BRD2: variants seen among roughly 807,000 people sequenced by gnomAD.
BRD2 encodes bromodomain-containing protein 2.
Under a neutral mutation model 79.1 loss-of-function variants are expected in BRD2, and 15 were observed. The ratio of observed to expected loss-of-function variants is 0.19; its 90% CI spans 0.13 to 0.29. The LOEUF is 0.29. Among genes scored for constraint, BRD2 ranks in the 10% least tolerant of loss-of-function variants. The pLI is 1.00. For synonymous variants in BRD2, 488 were observed against 358.6 expected (o/e 1.36, Z -4.08); for missense variants, 1,053 against 991.3 (o/e 1.06, Z -0.84).
chr6:32,977,238 T>G, intron 7 of BRD2: 2 of 1,534,044 alleles, frequency 1.3e-6, no homozygotes, highest in Non-Finnish European at 1.7e-6. Context: ...CTCTGTCACT[T>G]AGAAATGATT....
Position 32,975,370 on chromosome 6 carries a change from A to AT in BRD2, c.334-7dup, listed in dbSNP as rs746533590. 5 of 1,596,184 alleles carry AT rather than the reference A, an allele frequency of 3.1e-6. No homozygotes were observed. The highest frequency in any genetic ancestry group is 2.2e-5 in the South Asian group (2 of 89,698). On this transcript the variant is annotated splice_polypyrimidine_tract_variant and intron_variant, in intron 3 of 12. Transcript: ENST00000374825. ...TATTTTTCTGTGGTTCTGACCTAAC[A>AT]TTTTTTTATTTAGGATTATCACAAA...
intron 3 of BRD2, 143 bp from the exon 4 acceptor site, chr6:32,975,241 T>C (rs2127511790): frequency 8.6e-7 from 1 of 1,159,126 alleles, no homozygotes; most frequent in South Asian, 1.5e-5. Flanking sequence ...CACAGTTTAA[T>C]TGGGGCCGCA....
intron 8 of BRD2, 49 bp downstream of exon 8, chr6:32,977,619 T>C (rs775652177): frequency 3.1e-6 from 5 of 1,609,522 alleles, no homozygotes; most frequent in Non-Finnish European, 4.2e-6. Context: ...GGGGAGTTAT[T>C]TTGTCATGTG....
At chr6:32,975,056 C>T (rs1426501496) in intron 3 of BRD2, 3 of 1,520,890 alleles carry the variant, frequency 2.0e-6, no homozygotes, top group South Asian at 2.4e-5. Flanking sequence ...CCACGGTGGC[C>T]AAAATTCTTA....
chr6:32,978,074 T>C, intron 9 of BRD2, 52 bp from the exon 10 acceptor site: 2 of 1,588,690 alleles, frequency 1.3e-6, no homozygotes, highest in Non-Finnish European at 1.7e-6. Flanking sequence ...TTTTTTCTTC[T>C]TGTTATTTTA....
chr6:32,975,610 C>G (rs895886185), intron 4 of BRD2, 89 bp downstream of exon 4: 1 of 1,509,996 alleles, frequency 6.6e-7, no homozygotes, highest in Admixed American at 1.8e-5. Context: ...AAGTTTAAAT[C>G]CTTTGCTACT....
chr6:32,976,346 C>T lies in BRD2; in HGVS notation c.707C>T (p.Thr236Ile). ...ACTCCTCCACCTGAGATACCTACCA[C>T]TGTCCTCAACATTCCCCACCCATCA... ...LYTPPPEIPT[T>I]VLNIPHPSVI... The change falls in exon 6 of 13, where the codon ACT becomes ATT. Residue 236 changes from threonine to isoleucine, a missense_variant. By Grantham distance (89) the Thr-to-Ile change is moderately conservative (BLOSUM62 -1). Coordinates refer to ENST00000374825, the MANE Select transcript of BRD2 (RefSeq NM_005104.4). 1.2e-6 allele frequency: 2 copies of T among 1,613,088 alleles called. No individual in the cohort carries two copies. Among genetic ancestry groups the T allele is most frequent in the Non-Finnish European group, 1.7e-6 (2 of 1,180,030 alleles).
rs149519248 is a variant in BRD2, at chr6:32,980,566, C to T, written c.2270-16C>T. ...TTCAGACTTGAACGTCTTTAACTTT[C>T]GAATTTGTTCTGCAGCGAATGAGAA... On this transcript the variant is annotated splice_polypyrimidine_tract_variant and intron_variant, in intron 12 of 12. Transcript: ENST00000374825. The T allele has an allele frequency of 5.1e-3, 8,219 of 1,612,998 alleles. 72 individuals carry two copies. The highest frequency in any genetic ancestry group is 0.038 in the Middle Eastern group (231 of 6,060).
chr6:32,975,172 C>T (rs1245194683), intron 3 of BRD2: 8 of 1,390,300 alleles, frequency 5.8e-6, no homozygotes, highest in African/African-American at 1.4e-5. Context: ...TAGAGAAAGG[C>T]AGCAGGGGCC....
In BRD2 at chr6:32,972,011, C is replaced by T. The variant is rs1778048939; in HGVS notation, c.-888C>T. The T allele has an allele frequency of 1.4e-6, 1 of 702,388 alleles. No homozygotes were observed. The allele number at this position is 702,388 out of a possible 1,614,324, so 43.5% of individuals were successfully genotyped here. On this transcript the variant is annotated 5_prime_UTR_variant, in exon 2 of 13. Coordinates refer to ENST00000374825, the MANE Select transcript of BRD2 (RefSeq NM_005104.4). ...AATGAAGTTTATGACGTCATCGTTG[C>T]GGCTGGCCAATAGAAAAAGCTCCCG... is the stretch of plus-strand genomic sequence containing the variant.
intron 2 of BRD2, 21 bp downstream of exon 2, chr6:32,972,948 T>C (rs1195537825): frequency 6.2e-7 from 1 of 1,613,588 alleles, no homozygotes; most frequent in Non-Finnish European, 8.5e-7. Flanking sequence ...GCGAGCCGCG[T>C]GTGGGAAGGG....
At position 32,974,622 on chromosome 6, in the gene BRD2, C is replaced by T. The variant is rs1035375467; in HGVS notation, c.190C>T (p.Pro64Ser). ...ACTTACCCCTGCCAACCCACCACCC[C>T]CGGAGGTGTCCAATCCCAAAAAGCC... The part of the protein sequence containing the change: ...LQLTPANPPP[P>S]EVSNPKKPGR... The change falls in exon 3 of 13, where the codon CCG becomes TCG. Residue 64 changes from proline to serine, a missense_variant. This residue lies in a region of BRD2 where 413 missense variants were observed against 335.1 expected (regional missense o/e 1.23). Transcript: ENST00000374825. The T allele has an allele frequency of 1.9e-6, 3 of 1,614,232 alleles. No individual in the cohort carries two copies. The highest frequency in any genetic ancestry group is 2.5e-6 in the Non-Finnish European group (3 of 1,180,050).
rs1380056217 is a variant in BRD2 at position 32,974,457 on chromosome 6, T to C, written c.30-5T>C. ...ATTGCCCTAATTTTGTTCCCATCTT[T>C]ACAGGCTCCCTGGGGAAGGGAATGC... On this transcript the variant is annotated splice_region_variant and splice_polypyrimidine_tract_variant and intron_variant, in intron 2 of 12. Coordinates refer to ENST00000374825, the MANE Select transcript of BRD2 (RefSeq NM_005104.4). The C allele has an allele frequency of 1.2e-6, 2 of 1,606,204 alleles. No individual in the cohort carries two copies. The highest frequency in any genetic ancestry group is 8.5e-7 in the Non-Finnish European group (1 of 1,174,230).
At position 32,977,927 on chromosome 6, in the gene BRD2, GGAC is replaced by G; in HGVS notation, c.1503_1505del (p.Asp501del). The G allele has an allele frequency of 1.2e-6, 2 of 1,606,310 alleles. No homozygotes were observed. Among genetic ancestry groups the G allele is most frequent in the East Asian group, 4.5e-5 (2 of 44,840 alleles). The stretch of plus-strand genomic sequence containing the variant: ...AGGAAGAGGAGGAGGAAGATGAGGA[GGAC>G]GAGGAGGAAGAAGAGAGTGAAAGCT... On this transcript the variant is annotated inframe_deletion, in exon 9 of 13. Coordinates refer to ENST00000374825, the MANE Select transcript of BRD2 (RefSeq NM_005104.4).
chr6:32,971,907 T>A lies in BRD2; in HGVS notation c.-992T>A, dbSNP rs1324374956. 1 of 702,938 alleles carries A rather than the reference T, an allele frequency of 1.4e-6. No homozygotes were observed. 43.5% of individuals were successfully genotyped at this position (702,938 alleles called of 1,614,324 possible). A position where few individuals can be genotyped will look rare whatever the true frequency, so the allele number is the denominator to read the frequency against. ...AGTCGGCGGACCACAGCTCAGCCAA[T>A]TGGCTTGGAGATGTGGCGGGTTGCC... On this transcript the variant is annotated 5_prime_UTR_variant, in exon 2 of 13. The change creates a new upstream start codon in the 5' untranslated region. Coordinates refer to ENST00000374825, the MANE Select transcript of BRD2 (RefSeq NM_005104.4).
rs17220493 is a variant in BRD2, at chr6:32,977,320, C to T, written c.1201-122C>T. The T allele has an allele frequency of 9.3e-3, 14,843 of 1,604,018 alleles. 110 individuals carry two copies. Among genetic ancestry groups the T allele is most frequent in the Middle Eastern group, 0.024 (147 of 6,060 alleles). On this transcript the variant is annotated intron_variant, in intron 7 of 12. Transcript: ENST00000374825. ...GACTTCAAACTTGAACCCCAGGGCA[C>T]AGATCCTTAAGGTCATCCCCACTGT...
intron 7 of BRD2, 153 bp from the exon 8 acceptor site, chr6:32,977,289 T>G (rs1442735544): frequency 6.3e-6 from 10 of 1,589,032 alleles, no homozygotes; most frequent in Non-Finnish European, 7.7e-6. Flanking sequence ...CCACCCAAAT[T>G]CCTTTGACTT....
rs200978040 is a variant in BRD2 at position 32,977,924 on chromosome 6, G to T, written c.1497G>T (p.Glu499Asp). Residue 499 changes from glutamate to aspartate, a missense_variant, in exon 9 of 13, where the codon GAG becomes GAT. By Grantham distance (45) the Glu-to-Asp change is conservative. Around this residue, in one of 5 missense-constraint regions of BRD2, gnomAD observed 454 missense variants for 430.5 expected, o/e 1.05. Coordinates refer to ENST00000374825, the MANE Select transcript of BRD2 (RefSeq NM_005104.4). ...CTGAGGAAGAGGAGGAGGAAGATGA[G>T]GAGGACGAGGAGGAAGAAGAGAGTG... ...SSSEEEEEED[E>D]EDEEEEESES... 5 of 1,516,938 alleles carry T rather than the reference G, an allele frequency of 3.3e-6. No homozygotes were observed. Among genetic ancestry groups the T allele is most frequent in the Non-Finnish European group, 4.5e-6 (5 of 1,103,366 alleles). 94.0% of individuals were successfully genotyped at this position (1,516,938 alleles called of 1,614,324 possible).
rs1292032138 is a variant in BRD2 at position 32,972,036 on chromosome 6, G to A, written c.-863G>A. 1 of 701,660 alleles carries A rather than the reference G, an allele frequency of 1.4e-6. No individual in the cohort carries two copies. Among genetic ancestry groups the A allele is most frequent in the Non-Finnish European group, 2.6e-6 (1 of 384,800 alleles). 43.5% of individuals were successfully genotyped at this position (701,660 alleles called of 1,614,324 possible). ...CGGCTGGCCAATAGAAAAAGCTCCC[G>A]CGGAGAGGTGTTCCTTCCCCTTCGA... is the stretch of plus-strand genomic sequence containing the variant. On this transcript the variant is annotated 5_prime_UTR_variant, in exon 2 of 13. Transcript: ENST00000374825.
Sources: allele counts gnomAD v4.1 joint callset, GRCh38; gene constraint gnomAD v4.1.1; regional missense constraint gnomAD v4.1.1; transcripts MANE v1.5; gene names NCBI Gene and HGNC (gene_info 2026-07-23, HGNC 2026-07-21).